The following TENM2 variants were observed in gnomAD, a reference collection of about 807,000 sequenced individuals.
TENM2 encodes the protein teneurin transmembrane protein 2, also known as teneurin-2.
Under a neutral mutation model 245.2 loss-of-function variants are expected in TENM2, and 52 were observed. The observed-to-expected ratio is 0.21, with a 90% CI of 0.17 to 0.27. The LOEUF (loss-of-function observed/expected upper bound fraction) is 0.27, where lower values mean the gene tolerates loss of function less well. Ranked by LOEUF, TENM2 falls within the 10% of genes least tolerant of loss-of-function variation. The probability of loss-of-function intolerance (pLI) is 1.00; values close to 1 mark genes in which losing one functional copy is unlikely to be tolerated. For missense variants in TENM2, 3,046 were observed against 3,666.8 expected (o/e 0.83, Z 4.37); for synonymous variants, 1,363 against 1,438.9 (o/e 0.95, Z 1.19).
At chr5:167,475,617 GTATTTGT>G (rs1767321988) in intron 2 of TENM2, among the ~76,000 whole-genome samples, 1 of 152,028 alleles carries the variant, frequency 6.6e-6, no homozygotes, top group African/African-American at 2.4e-5. Context: ...CATGCATTAG[GTATTTGT>G]CCTAATGCTT....
intron 2 of TENM2, among the ~76,000 whole-genome samples, chr5:167,399,574 A>G (rs1161774109): frequency 1.3e-5 from 2 of 152,188 alleles, no homozygotes; most frequent in African/African-American, 2.4e-5. Context: ...GCATAGCACA[A>G]TAATTAAGCA....
intron 2 of TENM2, among the ~76,000 whole-genome samples, chr5:167,827,635 G>GGGT (rs1554126521): frequency 2.8e-5 from 3 of 107,954 alleles, no homozygotes; most frequent in Non-Finnish European, 3.8e-5. Flanking sequence ...GGGCGGGGGG[G>GGGT]GGGGAACAGT....
chr5:167,685,508 G>A (rs1179845001), intron 2 of TENM2, among the ~76,000 whole-genome samples: 3 of 152,064 alleles, frequency 2.0e-5, no homozygotes, highest in Non-Finnish European at 4.4e-5. Flanking sequence ...CATGCTGTGG[G>A]AGGAAATGTA....
At chr5:167,774,500 C>A (rs902185131) in intron 2 of TENM2, among the ~76,000 whole-genome samples, 4 of 152,156 alleles carry the variant, frequency 2.6e-5, no homozygotes, top group Non-Finnish European at 5.9e-5. Flanking sequence ...CTTTTCATCT[C>A]ACCATGTATC....
chr5:167,632,607 T>C (rs1778947090), intron 2 of TENM2, among the ~76,000 whole-genome samples: 2 of 152,154 alleles, frequency 1.3e-5, no homozygotes, highest in African/African-American at 4.8e-5. Flanking sequence ...TTTTGTTGCT[T>C]TACTTTGGAC....
chr5:167,250,381 T>TA, the TENM2 span, among the ~76,000 whole-genome samples: 1 of 152,118 alleles, frequency 6.6e-6, no homozygotes, highest in Admixed American at 6.6e-5. Context: ...AATAGCTCAT[T>TA]AAAAAATATA....
intron 2 of TENM2, among the ~76,000 whole-genome samples, chr5:167,580,476 G>T (rs556726462): frequency 2.0e-5 from 3 of 152,240 alleles, no homozygotes; most frequent in Admixed American, 2.0e-4. Context: ...TCATTAACTG[G>T]GTGCCAATCA....
intron 2 of TENM2, among the ~76,000 whole-genome samples, chr5:167,661,432 A>G (rs2609854): frequency 0.43 from 64,754 of 152,052 alleles, 18,153 homozygotes; most frequent in East Asian, 0.95. Flanking sequence ...AGTTCACAGC[A>G]ATTTCAAGCC....
At chr5:168,073,763 G>T (rs910416084) in intron 7 of TENM2, among the ~76,000 whole-genome samples, 1 of 152,186 alleles carries the variant, frequency 6.6e-6, no homozygotes, top group African/African-American at 2.4e-5. Flanking sequence ...GTTTCTAACT[G>T]TTTCCCCTGT....
At chr5:167,490,194 G>A (rs1000405736) in intron 2 of TENM2, among the ~76,000 whole-genome samples, 4 of 152,056 alleles carry the variant, frequency 2.6e-5, no homozygotes, top group Admixed American at 2.6e-4. Flanking sequence ...AGCACACTGA[G>A]CCACACTTTA....
the TENM2 span, among the ~76,000 whole-genome samples, chr5:167,067,308 T>C: frequency 1.3e-5 from 2 of 152,190 alleles, no homozygotes; most frequent in Non-Finnish European, 2.9e-5. Flanking sequence ...GCAGAATTTT[T>C]TTTCCTTTTT....
intron 2 of TENM2, among the ~76,000 whole-genome samples, chr5:167,853,363 A>G (rs1343388471): frequency 6.6e-6 from 1 of 151,202 alleles, no homozygotes; most frequent in Admixed American, 6.6e-5. Context: ...TAAAAATAAC[A>G]TGGCACTAAT....
intron 2 of TENM2, among the ~76,000 whole-genome samples, chr5:167,385,940 GGGTT>G (rs1761409409): frequency 6.6e-6 from 1 of 151,096 alleles, no homozygotes; most frequent in Admixed American, 6.6e-5. Context: ...ATGGGCATTT[GGGTT>G]GGTTCCACGT....
At chr5:167,871,408 T>C (rs1413750068) in intron 2 of TENM2, among the ~76,000 whole-genome samples, 1 of 141,364 alleles carries the variant, frequency 7.1e-6, no homozygotes, top group Non-Finnish European at 1.5e-5. Context: ...CTATCGGTAC[T>C]TTAATCAGGA....
chr5:168,003,516 A>G (rs1342659752), intron 5 of TENM2, among the ~76,000 whole-genome samples: 3 of 152,202 alleles, frequency 2.0e-5, no homozygotes, highest in Non-Finnish European at 2.9e-5. Context: ...CCATACATCA[A>G]TTGGGATAAA....
chr5:167,242,873 A>T, the TENM2 span, among the ~76,000 whole-genome samples: 2 of 152,182 alleles, frequency 1.3e-5, no homozygotes, highest in Non-Finnish European at 2.9e-5. Context: ...TTCAGTGGTC[A>T]TCTGGACTAG....
chr5:168,139,962 A>G (rs1487390692), intron 12 of TENM2, among the ~76,000 whole-genome samples: 1 of 152,242 alleles, frequency 6.6e-6, no homozygotes, highest in East Asian at 1.9e-4. Context: ...TGTGCAGGCC[A>G]TTCAAACAAG....
Position 168,253,421 on chromosome 5 carries a change from A to ATT in TENM2, c.7432+5051_7432+5052dup, listed in dbSNP as rs758184753. On this transcript the variant is annotated intron_variant, in intron 27 of 28. Transcript: ENST00000518659. ...GCAAAAAAAGCTAATAAATGCATTCATTATTTTATTTTTTTTTTTTTTGAG... is the reference window on the plus strand; with the variant it reads ...GCAAAAAAAGCTAATAAATGCATTCATTTTATTTTATTTTTTTTTTTTTTGAG... Among the ~76,000 whole-genome samples, 46 of 108,706 alleles carry ATT rather than the reference A, an allele frequency of 4.2e-4. 1 individual carries two copies. Among genetic ancestry groups the ATT allele is most frequent in the African/African-American group, 1.3e-3 (44 of 33,278 alleles). 71.3% of individuals were successfully genotyped at this position (108,706 alleles called of 152,430 possible).
intron 26 of TENM2, among the ~76,000 whole-genome samples, chr5:168,245,510 C>G (rs572684021): frequency 6.6e-6 from 1 of 151,496 alleles, no homozygotes; most frequent in South Asian, 2.1e-4. Context: ...ACATGATTCC[C>G]TGTGTCTGAA....
Sources: gnomAD v4.1 joint callset for allele counts (sites outside exome capture counted in the v4.1 genomes callset) on GRCh38, gnomAD v4.1.1 for gene constraint, MANE v1.5 for transcripts, NCBI Gene and HGNC (gene_info 2026-07-23, HGNC 2026-07-21) for gene names.